The following EEF1E1 variants were observed in gnomAD, a reference collection of about 807,000 sequenced individuals.
The protein encoded by EEF1E1 is eukaryotic translation elongation factor 1 epsilon-1.
EEF1E1 carries 19 observed loss-of-function variants against 19.9 expected under a neutral mutation model. The ratio of observed to expected loss-of-function variants is 0.95; its 90% confidence interval spans 0.66 to 1.40. EEF1E1 has a LOEUF of 1.40. Ranked by LOEUF, EEF1E1 falls within the 40% of genes most tolerant of loss-of-function variation. EEF1E1 has a pLI of 0.00. For missense variants in EEF1E1, 198 were observed against 202.2 expected (o/e 0.98, Z 0.13); for synonymous variants, 81 against 80.0 (o/e 1.01, Z -0.07).
chr6:8,078,526 A>G (rs1345089932), downstream of EEF1E1: 5 of 511,508 alleles, frequency 9.8e-6, no homozygotes, highest in Non-Finnish European at 1.1e-5. Flanking sequence ...GACATGAAGC[A>G]AGCACAAGCC....
chr6:8,101,932 T>C, intron 1 of EEF1E1: 4 of 1,239,432 alleles, frequency 3.2e-6, no homozygotes, highest in Non-Finnish European at 4.2e-6. Flanking sequence ...GGTTGCAATG[T>C]TTGTCCACCT....
chr6:8,076,347 G>A (rs1236173364), downstream of EEF1E1, among the ~76,000 whole-genome samples: 1 of 151,946 alleles, frequency 6.6e-6, no homozygotes, highest in Admixed American at 6.6e-5. Context: ...TCTTTGAGAG[G>A]GAGTCTCGCT....
rs868653743 is a variant in EEF1E1, at chr6:8,093,383, T to C, written c.289-3102A>G. Among the ~76,000 whole-genome samples, 2 of 150,526 alleles carry C rather than the reference T, an allele frequency of 1.3e-5. 1 individual carries two copies. Among genetic ancestry groups the C allele is most frequent in the South Asian group, 4.2e-4 (2 of 4,764 alleles). ...TGCCATTGTCAAACTGTTAAATACT[T>C]CCCCTACAATTCCACCTGATTTTTC... On this transcript the variant is annotated intron_variant, in intron 2 of 3. Coordinates refer to ENST00000379715, the MANE Select transcript of EEF1E1 (RefSeq NM_004280.5).
downstream of EEF1E1, chr6:8,078,536 C>T (rs187915022): frequency 1.8e-4 from 111 of 621,156 alleles, 1 homozygote; most frequent in South Asian, 1.1e-3. Context: ...AAGCACAAGC[C>T]GACGGAAAAA....
rs1403210941 is a variant in EEF1E1, at chr6:8,099,783, CACACACACAA to C, written c.88-2326_88-2317del. ...ACACACACACACACACACACACACACACACACACAAAAAAAAAACAGAACCCTCTATAATG... is the reference window on the plus strand; with the variant it reads ...ACACACACACACACACACACACACACAAAAAAAACAGAACCCTCTATAATG... On this transcript the variant is annotated intron_variant, in intron 1 of 3. Coordinates refer to ENST00000379715, the MANE Select transcript of EEF1E1 (RefSeq NM_004280.5). Among the ~76,000 whole-genome samples the C allele has an allele frequency of 1.5e-4, 15 of 98,276 alleles. 1 individual carries two copies. Among genetic ancestry groups the C allele is most frequent in the South Asian group, 6.5e-4 (2 of 3,090 alleles). The allele number at this position is 98,276 out of a possible 152,430, so 64.5% of individuals were successfully genotyped here.
chr6:8,099,695 C>T (rs940686993), intron 1 of EEF1E1, among the ~76,000 whole-genome samples: 9 of 148,748 alleles, frequency 6.1e-5, no homozygotes, highest in South Asian at 2.1e-4. Flanking sequence ...TGCAGTGAGC[C>T]GAGATCGCAC....
intron 3 of EEF1E1, among the ~76,000 whole-genome samples, chr6:8,081,129 A>G (rs1270685439): frequency 6.6e-6 from 1 of 152,242 alleles, no homozygotes; most frequent in African/African-American, 2.4e-5. Context: ...TTGGACTCGT[A>G]TTTGTTGGCT....
At chr6:8,088,047 A>T (rs914418809) in intron 3 of EEF1E1, among the ~76,000 whole-genome samples, 10 of 152,102 alleles carry the variant, frequency 6.6e-5, no homozygotes, top group African/African-American at 2.4e-4. Context: ...TCTCAAAGAA[A>T]ACACTTGACC....
intron 3 of EEF1E1, among the ~76,000 whole-genome samples, chr6:8,086,375 T>A (rs1757854495): frequency 6.6e-6 from 1 of 152,160 alleles, no homozygotes. Flanking sequence ...CCTCAATCTG[T>A]GCCCTCTTAT....
chr6:8,078,687 A>G, downstream of EEF1E1: 4 of 1,286,456 alleles, frequency 3.1e-6, no homozygotes, highest in Non-Finnish European at 4.0e-6. Context: ...AGAGACAAAC[A>G]TGGGGGCCTG....
At chr6:8,089,859 G>A in intron 3 of EEF1E1, 1 of 290,828 alleles carries the variant, frequency 3.4e-6, no homozygotes, top group East Asian at 5.4e-5. Context: ...TGCTGAAGAA[G>A]GGCAGAAGCA....
At chr6:8,101,880 T>C (rs1418103208) in intron 1 of EEF1E1, 1 of 1,269,040 alleles carries the variant, frequency 7.9e-7, no homozygotes, top group South Asian at 1.2e-5. Flanking sequence ...AGGTGTTCTC[T>C]CTGCCATTTA....
At chr6:8,094,771 C>A (rs1758119732) in intron 2 of EEF1E1, among the ~76,000 whole-genome samples, 1 of 152,114 alleles carries the variant, frequency 6.6e-6, no homozygotes, top group Non-Finnish European at 1.5e-5. Flanking sequence ...GAGAGTAAGA[C>A]AAACCCGTGC....
In EEF1E1 at chr6:8,079,822, C is replaced by T; in HGVS notation, c.*68G>A. Reference sequence around the variant, plus strand: ...GACTGTATATTAATTTACATTAGTCCTGTGGTCTAGAGTACATTTTCCATT... The same window carrying T: ...GACTGTATATTAATTTACATTAGTCTTGTGGTCTAGAGTACATTTTCCATT... On this transcript the variant is annotated 3_prime_UTR_variant, in exon 4 of 4. Transcript: ENST00000379715. The T allele has an allele frequency of 6.6e-7, 1 of 1,517,548 alleles. No individual in the cohort carries two copies. The highest frequency in any genetic ancestry group is 1.9e-5 in the Admixed American group (1 of 52,168). The allele number at this position is 1,517,548 out of a possible 1,614,324, so 94.0% of individuals were successfully genotyped here.
At chr6:8,074,751 G>T (rs1332652792), downstream of EEF1E1, among the ~76,000 whole-genome samples, 4 of 152,192 alleles carry the variant, frequency 2.6e-5, no homozygotes, top group Non-Finnish European at 4.4e-5. Flanking sequence ...GCAGAAGCCA[G>T]GTCTTCATCT....
At chr6:8,099,770 ACACACACACACACACAC>A (rs1561646217) in intron 1 of EEF1E1, among the ~76,000 whole-genome samples, 7 of 122,284 alleles carry the variant, frequency 5.7e-5, no homozygotes, top group African/African-American at 9.6e-5. Flanking sequence ...ACACACACAC[ACACACACACACACACAC>A]ACACAAAAAA....
rs1254421622 is a variant in EEF1E1 at position 8,079,525 on chromosome 6, G to A, written c.*365C>T. 3 of 996,510 alleles carry A rather than the reference G, an allele frequency of 3.0e-6. No individual in the cohort carries two copies. Among genetic ancestry groups the A allele is most frequent in the East Asian group, 2.1e-4 (2 of 9,726 alleles). 61.7% of individuals were successfully genotyped at this position (996,510 alleles called of 1,614,324 possible). A position where few individuals can be genotyped will look rare whatever the true frequency, so the allele number is the denominator to read the frequency against. ...CCATAAATATCCATAAGGGGAAAAT[G>A]AATTTTAGAATATGAAAGAGAGGTT... is the stretch of plus-strand genomic sequence containing the variant. On this transcript the variant is annotated 3_prime_UTR_variant, in exon 4 of 4. Coordinates refer to ENST00000379715, the MANE Select transcript of EEF1E1 (RefSeq NM_004280.5).
rs565867078 is a variant in EEF1E1, at chr6:8,080,385, C to T, written c.385-355G>A. The stretch of plus-strand genomic sequence containing the variant: ...AAGATACAGTTCTTTCTCTGGTATT[C>T]TTTAGTAAACCTAAAAAAAGGAAAT... On this transcript the variant is annotated intron_variant, in intron 3 of 3. Coordinates refer to ENST00000379715, the MANE Select transcript of EEF1E1 (RefSeq NM_004280.5). Among the ~76,000 whole-genome samples the T allele has an allele frequency of 7.9e-5, 12 of 152,240 alleles. No homozygotes were observed. The South Asian group carries it at 2.5e-3, about 32-fold the overall frequency.
intron 3 of EEF1E1, among the ~76,000 whole-genome samples, chr6:8,087,969 A>G (rs1757909160): frequency 6.6e-6 from 1 of 152,166 alleles, no homozygotes. Flanking sequence ...AGATGGTCAT[A>G]ACAAAGCACA....
Sources: gnomAD v4.1 joint callset for allele counts (sites outside exome capture counted in the v4.1 genomes callset) on GRCh38, gnomAD v4.1.1 for gene constraint, MANE v1.5 for transcripts, NCBI Gene and HGNC (gene_info 2026-07-23, HGNC 2026-07-21) for gene names.